The following ZFHX3 variants were observed in gnomAD, a reference collection of about 807,000 sequenced individuals.
ZFHX3 encodes zinc finger homeobox protein 3.
ZFHX3 carries 42 observed loss-of-function variants against 279.1 expected under a neutral mutation model. The ratio of observed to expected loss-of-function variants is 0.15; its 90% CI spans 0.12 to 0.19. ZFHX3 has a LOEUF of 0.19. Among genes scored for constraint, ZFHX3 ranks in the 10% least tolerant of loss-of-function variants. The probability of loss-of-function intolerance (pLI) is 1.00; values close to 1 mark genes in which losing one functional copy is unlikely to be tolerated. For missense variants in ZFHX3, 4,981 were observed against 4,754.0 expected, an observed-to-expected ratio of 1.05 and a Z score of -1.40; for synonymous variants, 2,293 against 1,957.8, an observed-to-expected ratio of 1.17 and a Z score of -4.52.
intron 1 of ZFHX3, among the ~76,000 whole-genome samples, chr16:73,736,683 A>T (rs890495777): frequency 6.6e-6 from 1 of 152,214 alleles, no homozygotes; most frequent in Non-Finnish European, 1.5e-5. Flanking sequence ...CCTTGCAAGG[A>T]TCACATCAGA....
chr16:73,541,398 A>G (rs1047528081), intron 2 of ZFHX3, among the ~76,000 whole-genome samples: 2 of 152,102 alleles, frequency 1.3e-5, no homozygotes, highest in Non-Finnish European at 2.9e-5. Context: ...AGGTGGCAGG[A>G]TCGCTTGAGC....
intron 4 of ZFHX3, among the ~76,000 whole-genome samples, chr16:73,299,169 C>T (rs966629044): frequency 6.6e-6 from 1 of 152,186 alleles, no homozygotes; most frequent in Non-Finnish European, 1.5e-5. Context: ...AGTCCTTAGA[C>T]AATCTAGTAC....
chr16:73,018,232 T>C (rs1253233144), intron 1 of ZFHX3, among the ~76,000 whole-genome samples: 2 of 151,912 alleles, frequency 1.3e-5, no homozygotes, highest in East Asian at 2.0e-4. Context: ...GCTCAAGCAA[T>C]CCTCCTGCCT....
intron 3 of ZFHX3, among the ~76,000 whole-genome samples, chr16:73,349,867 T>TC (rs112725353): frequency 0.046 from 6,460 of 139,350 alleles, 620 homozygotes; most frequent in African/African-American, 0.17. Flanking sequence ...CTTCCTTTCT[T>TC]CCCCCTCCTC....
At chr16:73,147,596 G>A (rs575158696) in intron 5 of ZFHX3, among the ~76,000 whole-genome samples, 2 of 149,274 alleles carry the variant, frequency 1.3e-5, no homozygotes, top group Admixed American at 6.7e-5. Flanking sequence ...GGAGGCTGAG[G>A]CAGGAGAATG....
intron 5 of ZFHX3, among the ~76,000 whole-genome samples, chr16:73,240,590 G>C (rs910351571): frequency 6.6e-6 from 1 of 152,096 alleles, no homozygotes; most frequent in African/African-American, 2.4e-5. Context: ...ATTATGAAAA[G>C]AACACTTGTT....
intron 1 of ZFHX3, among the ~76,000 whole-genome samples, chr16:73,831,486 G>A (rs900706149): frequency 6.6e-6 from 1 of 150,926 alleles, no homozygotes. Context: ...GGGAAGATGA[G>A]TATCTACAGC....
chr16:72,931,407 A>G (rs11862954), intron 3 of ZFHX3, among the ~76,000 whole-genome samples: 1,783 of 21,000 alleles, frequency 0.085, 44 homozygotes, highest in East Asian at 0.33. Context: ...ATTTCATTAC[A>G]CACACACACA....
At chr16:73,185,609 A>T (rs970894240) in intron 5 of ZFHX3, among the ~76,000 whole-genome samples, 15 of 152,222 alleles carry the variant, frequency 9.9e-5, no homozygotes, top group Non-Finnish European at 1.8e-4. Flanking sequence ...CAGTTTTAGC[A>T]CATAAAAATG....
intron 5 of ZFHX3, among the ~76,000 whole-genome samples, chr16:73,160,302 C>G (rs1025719706): frequency 3.9e-5 from 6 of 152,146 alleles, no homozygotes; most frequent in African/African-American, 1.4e-4. Context: ...AAAACTGAAT[C>G]AGTAATAAAT....
intron 2 of ZFHX3, among the ~76,000 whole-genome samples, chr16:73,503,054 C>T (rs1247980959): frequency 6.6e-6 from 1 of 152,152 alleles, no homozygotes; most frequent in African/African-American, 2.4e-5. Flanking sequence ...AACTGCAGGC[C>T]CCCTTTCCAG....
intron 1 of ZFHX3, among the ~76,000 whole-genome samples, chr16:73,890,357 G>T (rs1434786098): frequency 6.6e-6 from 1 of 152,020 alleles, no homozygotes; most frequent in African/African-American, 2.4e-5. Context: ...GGCAGCGAAT[G>T]TTCCATTTTT....
chr16:73,344,696 CAGAG>C (rs138767081), intron 3 of ZFHX3, among the ~76,000 whole-genome samples: 11 of 149,854 alleles, frequency 7.3e-5, no homozygotes, highest in South Asian at 2.1e-4. Context: ...CAGAGAGAGA[CAGAG>C]AGAGAGAGAG....
intron 3 of ZFHX3, among the ~76,000 whole-genome samples, chr16:73,447,606 G>C (rs1257123064): frequency 6.6e-6 from 1 of 152,088 alleles, no homozygotes; most frequent in African/African-American, 2.4e-5. Flanking sequence ...AAGGAGCAGA[G>C]TCCCTGGTTC....
chr16:73,209,594 C>T (rs985119257), intron 5 of ZFHX3, among the ~76,000 whole-genome samples: 6 of 152,192 alleles, frequency 3.9e-5, no homozygotes, highest in African/African-American at 1.4e-4. Flanking sequence ...CATCTCCCAA[C>T]ATTGTTGTGT....
intron 2 of ZFHX3, among the ~76,000 whole-genome samples, chr16:73,481,328 C>CAA (rs71374570): frequency 3.5e-4 from 49 of 139,012 alleles, no homozygotes; most frequent in Admixed American, 9.4e-4. Flanking sequence ...GACTCCATCT[C>CAA]AAAAAAAAAA....
intron 4 of ZFHX3, among the ~76,000 whole-genome samples, chr16:73,258,358 T>TATATATATA (rs1567432751): frequency 6.6e-6 from 1 of 150,722 alleles, no homozygotes; most frequent in African/African-American, 2.5e-5. Context: ...TATATATATA[T>TATATATATA]TTGTTTTCTG....
rs375983001 is a variant in ZFHX3 at position 73,181,081 on chromosome 16, GTTTGTTTTGT to G, written c.-1103-37260_-1103-37251del. On this transcript the variant is annotated intron_variant, in intron 5 of 17. Coordinates refer to the ZFHX3 transcript ENST00000641206. ...AAGGCTGCAGCTAGTTTTTTTGTTTGTTTGTTTTGTTTTGTTTTGTTTTGTTTTGTTTTGT... is the reference window on the plus strand; with the variant it reads ...AAGGCTGCAGCTAGTTTTTTTGTTTGTTTGTTTTGTTTTGTTTTGTTTTGT... Among the ~76,000 whole-genome samples the G allele has an allele frequency of 5.4e-3, 767 of 143,014 alleles. 6 individuals are homozygous for G. The highest frequency in any genetic ancestry group is 0.016 in the African/African-American group (614 of 37,574). The allele number at this position is 143,014 out of a possible 152,430, so 93.8% of individuals were successfully genotyped here.
rs1220305940 is a variant in ZFHX3 at position 73,483,930 on chromosome 16, G to GT, written c.-1546-27673dup. On this transcript the variant is annotated intron_variant, in intron 2 of 17. Coordinates refer to the ZFHX3 transcript ENST00000641206. ...CCCCTGTTCCCCACCCTCTGCCTTT[G>GT]TTTTTTTTTTTTTTTTTTTTAATTT... Among the ~76,000 whole-genome samples, 813 of 129,918 alleles carry GT rather than the reference G, an allele frequency of 6.3e-3. 7 individuals are homozygous for GT. The highest frequency in any genetic ancestry group is 0.011 in the East Asian group (50 of 4,444). The allele number at this position is 129,918 out of a possible 152,430, so 85.2% of individuals were successfully genotyped here.
Sources: gnomAD v4.1 joint callset for allele counts (sites outside exome capture counted in the v4.1 genomes callset) on GRCh38, gnomAD v4.1.1 for gene constraint, MANE v1.5 for transcripts, NCBI Gene and HGNC (gene_info 2026-07-23, HGNC 2026-07-21) for gene names.